The following SRD5A2 variants were observed in gnomAD, a reference collection of about 807,000 sequenced individuals.
The protein encoded by SRD5A2 is steroid 5 alpha-reductase 2.
A neutral mutation model predicts 27.4 loss-of-function variants in SRD5A2; 30 were observed. The observed-to-expected ratio is 1.10, with a 90% CI of 0.82 to 1.49. The LOEUF is 1.49. Ranked by LOEUF, SRD5A2 falls within the 40% of genes most tolerant of loss-of-function variation. SRD5A2 has a pLI of 0.00. For synonymous variants in SRD5A2, 141 were observed against 133.6 expected (o/e 1.06, Z -0.38); for missense variants, 348 against 323.4 (o/e 1.08, Z -0.58).
At chr2:31,570,944 T>C (rs779532528) in intron 1 of SRD5A2, among the ~76,000 whole-genome samples, 3 of 152,318 alleles carry the variant, frequency 2.0e-5, no homozygotes, top group Admixed American at 6.5e-5. Context: ...ATGGCCATAC[T>C]GCCAAAGCGA....
chr2:31,620,767 G>C, the SRD5A2 span, among the ~76,000 whole-genome samples: 1 of 150,614 alleles, frequency 6.6e-6, no homozygotes, highest in Non-Finnish European at 1.5e-5. Context: ...GAAAGGATGG[G>C]CTGCATATCC....
At chr2:31,614,877 G>A in the SRD5A2 span, among the ~76,000 whole-genome samples, 1 of 152,140 alleles carries the variant, frequency 6.6e-6, no homozygotes, top group African/African-American at 2.4e-5. Flanking sequence ...TGTGTTGTGG[G>A]AGGGACCCAC....
intron 1 of SRD5A2, among the ~76,000 whole-genome samples, chr2:31,563,946 T>C (rs981292228): frequency 3.3e-5 from 5 of 152,106 alleles, no homozygotes; most frequent in Non-Finnish European, 7.4e-5. Context: ...TGTTTCCAAG[T>C]AACTTAACTT....
chr2:31,642,108 C>T, the SRD5A2 span, among the ~76,000 whole-genome samples: 1 of 152,118 alleles, frequency 6.6e-6, no homozygotes, highest in East Asian at 1.9e-4. Context: ...ATGTGATCAA[C>T]TGAGACAGAC....
At chr2:31,640,191 T>G in the SRD5A2 span, among the ~76,000 whole-genome samples, 1 of 151,996 alleles carries the variant, frequency 6.6e-6, no homozygotes, top group Admixed American at 6.5e-5. Flanking sequence ...GCTGTGTGTT[T>G]TTTTTTTAAT....
the SRD5A2 span, among the ~76,000 whole-genome samples, chr2:31,626,691 T>TC: frequency 4.6e-5 from 7 of 152,196 alleles, no homozygotes; most frequent in African/African-American, 1.7e-4. Flanking sequence ...CAGCCTTGCA[T>TC]CCCAGGGATG....
At chr2:31,643,073 C>T in the SRD5A2 span, among the ~76,000 whole-genome samples, 1 of 152,074 alleles carries the variant, frequency 6.6e-6, no homozygotes, top group Middle Eastern at 3.2e-3. Context: ...ATGATAAAAA[C>T]ATTCTGTATC....
At position 31,523,378 on chromosome 2, in the gene SRD5A2, C is replaced by A; in HGVS notation, c.*2818G>T. 1 of 214,266 alleles carries A rather than the reference C, an allele frequency of 4.7e-6. No homozygotes were observed. The highest frequency in any genetic ancestry group is 9.4e-6 in the Non-Finnish European group (1 of 106,088). 13.3% of individuals were successfully genotyped at this position (214,266 alleles called of 1,614,324 possible). On this transcript the variant is annotated 3_prime_UTR_variant, in exon 5 of 5. Transcript: ENST00000622030. ...CTCTGTAGAAATCCAGATGGCAGCC[C>A]TAAAGGCTGTGCCTTAAGCAGAAGA...
the SRD5A2 span, among the ~76,000 whole-genome samples, chr2:31,614,737 G>C: frequency 6.6e-6 from 1 of 152,128 alleles, no homozygotes; most frequent in African/African-American, 2.4e-5. Context: ...CTGAAATCTA[G>C]GCGGAAGTTC....
intron 1 of SRD5A2, among the ~76,000 whole-genome samples, chr2:31,542,441 G>A (rs1666147691): frequency 6.6e-6 from 1 of 152,130 alleles, no homozygotes; most frequent in Admixed American, 6.5e-5. Context: ...GAGCCAAGGA[G>A]GTTGAGGCTG....
intron 1 of SRD5A2, among the ~76,000 whole-genome samples, chr2:31,568,365 G>A (rs771206461): frequency 3.9e-5 from 6 of 152,148 alleles, no homozygotes; most frequent in African/African-American, 1.2e-4. Flanking sequence ...AATGAGGTAC[G>A]CAAACAACTG....
chr2:31,612,860 C>T, the SRD5A2 span, among the ~76,000 whole-genome samples: 1 of 152,110 alleles, frequency 6.6e-6, no homozygotes, highest in Non-Finnish European at 1.5e-5. Flanking sequence ...CAGATATAAA[C>T]TTAAATATTT....
At chr2:31,600,724 C>T in the SRD5A2 span, among the ~76,000 whole-genome samples, 1 of 151,750 alleles carries the variant, frequency 6.6e-6, no homozygotes, top group African/African-American at 2.4e-5. Context: ...GCCAGTGTTA[C>T]CCTGATAGCA....
the SRD5A2 span, among the ~76,000 whole-genome samples, chr2:31,641,379 T>C: frequency 2.0e-4 from 31 of 152,328 alleles, no homozygotes; most frequent in South Asian, 6.4e-3. Context: ...CATAATTCTA[T>C]GTGCAGTAAA....
intron 1 of SRD5A2, among the ~76,000 whole-genome samples, chr2:31,546,705 G>A (rs900358166): frequency 6.6e-6 from 1 of 152,142 alleles, no homozygotes; most frequent in Non-Finnish European, 1.5e-5. Context: ...CACTAACTGG[G>A]TGATGGGATC....
intron 1 of SRD5A2, among the ~76,000 whole-genome samples, chr2:31,565,406 C>T (rs1666710205): frequency 6.6e-6 from 1 of 151,560 alleles, no homozygotes; most frequent in African/African-American, 2.4e-5. Flanking sequence ...GTCAGAATGG[C>T]AGGGGCAGGG....
At chr2:31,653,111 C>T in the SRD5A2 span, among the ~76,000 whole-genome samples, 1 of 152,142 alleles carries the variant, frequency 6.6e-6, no homozygotes, top group South Asian at 2.1e-4. Flanking sequence ...GTCATTTCCT[C>T]ACCCCCACCC....
chr2:31,553,421 G>A (rs1313443812), intron 1 of SRD5A2, among the ~76,000 whole-genome samples: 1 of 152,170 alleles, frequency 6.6e-6, no homozygotes, highest in Non-Finnish European at 1.5e-5. Context: ...TCAGATTCAT[G>A]AAGCTGAAAG....
At position 31,524,384 on chromosome 2, in the gene SRD5A2, G is replaced by A. The variant is rs1665727627; in HGVS notation, c.*1812C>T. On this transcript the variant is annotated 3_prime_UTR_variant, in exon 5 of 5. Coordinates refer to ENST00000622030, the MANE Select transcript of SRD5A2 (RefSeq NM_000348.4). ...TTCCTTGTAGTTCTGAATTGTGGCT[G>A]AGAGGCTGTATAAGTCATACTTCTT... The A allele has an allele frequency of 4.5e-6, 1 of 223,742 alleles. No homozygotes were observed. Among genetic ancestry groups the A allele is most frequent in the Non-Finnish European group, 8.9e-6 (1 of 112,228 alleles). 13.9% of individuals were successfully genotyped at this position (223,742 alleles called of 1,614,324 possible). A position where few individuals can be genotyped will look rare whatever the true frequency, so the allele number is the denominator to read the frequency against.
Sources: allele counts gnomAD v4.1 joint callset (sites outside exome capture counted in the v4.1 genomes callset), GRCh38; gene constraint gnomAD v4.1.1; transcripts MANE v1.5; gene names NCBI Gene and HGNC (gene_info 2026-07-23, HGNC 2026-07-21).